Variants in CHD5 observed in about 807,000 individuals in gnomAD.
The protein encoded by CHD5 is chromodomain helicase DNA binding protein 5.
In CHD5, 69 loss-of-function variants were observed where a neutral mutation model predicts 230.3. The ratio of observed to expected loss-of-function variants is 0.30; its 90% CI spans 0.25 to 0.37. The LOEUF is 0.37. Ranked by LOEUF, CHD5 falls within the 10% of genes least tolerant of loss-of-function variation. The pLI, the probability that CHD5 is intolerant of heterozygous loss-of-function variation, is 1.00. For missense variants in CHD5, 1,827 were observed against 2,622.8 expected (o/e 0.70, Z 6.63); for synonymous variants, 1,064 against 1,065.9 (o/e 1.00, Z 0.03).
intron 33 of CHD5, among the ~76,000 whole-genome samples, chr1:6,113,971 C>T (rs558830120): frequency 1.3e-5 from 2 of 152,304 alleles, no homozygotes; most frequent in Non-Finnish European, 2.9e-5. Flanking sequence ...CAATCCAGGC[C>T]GGGCGCGGTG....
Position 6,106,750 on chromosome 1 carries a change from C to T in CHD5, c.5608G>A (p.Asp1870Asn), listed in dbSNP as rs1444357332. The change falls in exon 39 of 42, where the codon GAC becomes AAC. Residue 1870 changes from aspartate to asparagine, a missense_variant. By Grantham distance (23) the Asp-to-Asn change is conservative (BLOSUM62 1). Transcript: ENST00000262450. ...VLNQLEELLS[D>N]MKADVTRLPS... Reference sequence around the variant, plus strand: ...AGCCGGGTCACGTCGGCCTTCATGTCGCTCAGCAGCTCCTCCAGCTGGTTC... The same window carrying T: ...AGCCGGGTCACGTCGGCCTTCATGTTGCTCAGCAGCTCCTCCAGCTGGTTC... The T allele has an allele frequency of 1.2e-6, 2 of 1,611,240 alleles. No individual in the cohort carries two copies. The highest frequency in any genetic ancestry group is 1.7e-6 in the Non-Finnish European group (2 of 1,179,556).
In CHD5 at chr1:6,128,488, T is replaced by C; in HGVS notation, c.3730+11A>G. ...GAGGAGGAGCTGAGGCTGGGCTGGGTTGGCCCCTACCTGGCGGGGTGCTAC... is the reference window on the plus strand; with the variant it reads ...GAGGAGGAGCTGAGGCTGGGCTGGGCTGGCCCCTACCTGGCGGGGTGCTAC... On this transcript the variant is annotated intron_variant, in intron 24 of 41. Coordinates refer to ENST00000262450, the MANE Select transcript of CHD5 (RefSeq NM_015557.3). This position sits in a 1 kb window ranked among gnomAD's most constrained non-coding sequence, Gnocchi z 7.8. 1 of 1,602,868 alleles carries C rather than the reference T, an allele frequency of 6.2e-7. No homozygotes were observed. The highest frequency in any genetic ancestry group is 2.2e-5 in the East Asian group (1 of 44,802).
Position 6,128,741 on chromosome 1 carries a change from T to G in CHD5, c.3619+97A>C. Reference sequence around the variant, plus strand: ...GGTGGGGGGTGCAGAAGAGAGGCTGTGTGTTGGAGCGGGCAGGGACCCAAG... The same window carrying G: ...GGTGGGGGGTGCAGAAGAGAGGCTGGGTGTTGGAGCGGGCAGGGACCCAAG... On this transcript the variant is annotated intron_variant, in intron 23 of 41. Coordinates refer to ENST00000262450, the MANE Select transcript of CHD5 (RefSeq NM_015557.3). The surrounding 1 kb of genome is among the most constrained non-coding windows in gnomAD (Gnocchi z 7.8). 7.8e-7 allele frequency: 1 copy of G among 1,274,926 alleles called. No individual in the cohort carries two copies. The allele number at this position is 1,274,926 out of a possible 1,614,324, so 79.0% of individuals were successfully genotyped here.
intron 33 of CHD5, among the ~76,000 whole-genome samples, chr1:6,115,288 C>T (rs1486799245): frequency 6.6e-6 from 1 of 151,700 alleles, no homozygotes; most frequent in South Asian, 2.1e-4. Flanking sequence ...CAATCATTAA[C>T]ATTTTAATTG....
intron 20 of CHD5, among the ~76,000 whole-genome samples, chr1:6,133,921 T>A (rs976457030): frequency 6.6e-6 from 1 of 152,124 alleles, no homozygotes; most frequent in Non-Finnish European, 1.5e-5. Context: ...TGGGGAGATG[T>A]TGCTCTTTAT....
chr1:6,147,788 G>A (rs994444779), intron 9 of CHD5, among the ~76,000 whole-genome samples: 2 of 152,162 alleles, frequency 1.3e-5, no homozygotes, highest in African/African-American at 2.4e-5. Context: ...GAGGTGCAAG[G>A]TACACCACAC....
At chr1:6,157,444 A>C (rs1667096392) in intron 3 of CHD5, among the ~76,000 whole-genome samples, 1 of 152,208 alleles carries the variant, frequency 6.6e-6, no homozygotes, top group South Asian at 2.1e-4. Flanking sequence ...GCCTCTGATA[A>C]CACCACTGGG....
intron 40 of CHD5, 38 bp downstream of exon 40, chr1:6,106,357 A>AC: frequency 6.2e-7 from 1 of 1,610,688 alleles, no homozygotes. Flanking sequence ...CCCGGCGGGC[A>AC]CCCGTGTGCA....
At chr1:6,135,654 A>G (rs1310780978) in intron 17 of CHD5, among the ~76,000 whole-genome samples, 5 of 152,204 alleles carry the variant, frequency 3.3e-5, no homozygotes, top group Admixed American at 3.3e-4. Flanking sequence ...TTACCCAGAT[A>G]ACAGATGAGG....
chr1:6,149,548 A>G (rs147284735), intron 7 of CHD5, 136 bp from the exon 8 acceptor site: 188 of 748,836 alleles, frequency 2.5e-4, no homozygotes, highest in Non-Finnish European at 3.5e-4. Flanking sequence ...GGGTGAATAG[A>G]CTGATGGTTG....
intron 1 of CHD5, among the ~76,000 whole-genome samples, chr1:6,172,366 G>A (rs768874347): frequency 1.3e-5 from 2 of 152,024 alleles, no homozygotes; most frequent in Non-Finnish European, 2.9e-5. Flanking sequence ...AGACAGAGTC[G>A]CTGGCTGGAG....
intron 20 of CHD5, among the ~76,000 whole-genome samples, chr1:6,133,775 A>G (rs552359293): frequency 1.3e-5 from 2 of 152,318 alleles, no homozygotes; most frequent in Admixed American, 1.3e-4. Flanking sequence ...CTCAGGGCCT[A>G]TTGGAGAGAG....
At chr1:6,145,393 T>C (rs539849573) in intron 11 of CHD5, among the ~76,000 whole-genome samples, 1 of 152,308 alleles carries the variant, frequency 6.6e-6, no homozygotes, top group South Asian at 2.1e-4. Context: ...GGCCACAGGG[T>C]AGCTGGGATG....
At position 6,105,219 on chromosome 1, in the gene CHD5, G is replaced by A. The variant is rs2294931; in HGVS notation, c.*255C>T. ...GAAAAGGTGGCGAGGGGGCACGTCC[G>A]GCGTGGTTGTGGGGGCAACGCTGTG... On this transcript the variant is annotated 3_prime_UTR_variant, in exon 42 of 42. Coordinates refer to ENST00000262450, the MANE Select transcript of CHD5 (RefSeq NM_015557.3). This position sits in a 1 kb window ranked among gnomAD's most constrained non-coding sequence, Gnocchi z 4.8. 1.4e-4 allele frequency: 48 copies of A among 350,262 alleles called. 1 individual carries two copies. The East Asian group carries it at 3.6e-3, about 27-fold the overall frequency. The allele number at this position is 350,262 out of a possible 1,614,324, so 21.7% of individuals were successfully genotyped here.
At chr1:6,175,581 AATGAATGGTGG>A (rs1667413012) in intron 1 of CHD5, among the ~76,000 whole-genome samples, 2 of 149,168 alleles carry the variant, frequency 1.3e-5, no homozygotes, top group South Asian at 4.3e-4. Context: ...TGGACAGATG[AATGAATGGTGG>A]ATGGATGGAT....
intron 2 of CHD5, among the ~76,000 whole-genome samples, chr1:6,165,119 G>C (rs535648924): frequency 1.3e-5 from 2 of 152,224 alleles, no homozygotes; most frequent in East Asian, 3.9e-4. Context: ...AAAAGGGAAG[G>C]CTCAGCGTGA....
chr1:6,164,638 T>C (rs1667225298), intron 2 of CHD5, among the ~76,000 whole-genome samples: 1 of 152,114 alleles, frequency 6.6e-6, no homozygotes, highest in Non-Finnish European at 1.5e-5. Context: ...TCCCTTGTCT[T>C]TATCCTGGGG....
intron 1 of CHD5, among the ~76,000 whole-genome samples, chr1:6,179,010 G>A (rs1667467327): frequency 6.6e-6 from 1 of 152,244 alleles, no homozygotes; most frequent in African/African-American, 2.4e-5. Context: ...AGGAGGGAGG[G>A]TGGCTGACAG....
rs371343310 is a variant in CHD5 at position 6,119,762 on chromosome 1, C to T, written c.4912+1343G>A. On this transcript the variant is annotated intron_variant, in intron 33 of 41. Coordinates refer to ENST00000262450, the MANE Select transcript of CHD5 (RefSeq NM_015557.3). ...AGGTACATATGTACGTACATACGTG[C>T]GTACATACGTACATATGTGCGTATA... is the stretch of plus-strand genomic sequence containing the variant. Among the ~76,000 whole-genome samples, 134 of 148,342 alleles carry T rather than the reference C, an allele frequency of 9.0e-4. 1 individual carries two copies. The East Asian group carries it at 0.02, about 22-fold the overall frequency.
Sources: allele counts gnomAD v4.1 joint callset (sites outside exome capture counted in the v4.1 genomes callset), GRCh38; gene constraint gnomAD v4.1.1; non-coding constraint Gnocchi (gnomAD v3.1); transcripts MANE v1.5; gene names NCBI Gene and HGNC (gene_info 2026-07-23, HGNC 2026-07-21).